HMOX1: variants seen among roughly 807,000 people sequenced by gnomAD.
HMOX1 encodes the protein heme oxygenase 1, also known as heat shock protein, 32-kD.
A neutral mutation model predicts 27.8 loss-of-function variants in HMOX1; 22 were observed. The observed-to-expected ratio is 0.79, with a 90% CI of 0.57 to 1.13. The LOEUF (loss-of-function observed/expected upper bound fraction) is 1.13, where lower values mean the gene tolerates loss of function less well. Among genes scored for constraint, HMOX1 ranks in the 50% most tolerant of loss-of-function variants. The pLI is 0.00. For missense variants in HMOX1, 379 were observed against 377.7 expected (o/e 1.00, Z -0.03); for synonymous variants, 153 against 151.6 (o/e 1.01, Z -0.07).
chr22:35,387,158 G>C lies in HMOX1; in HGVS notation c.618G>C (p.Ala206=). The C allele has an allele frequency of 5.0e-6, 8 of 1,613,496 alleles. No homozygotes were observed. Among genetic ancestry groups the C allele is most frequent in the African/African-American group, 2.7e-5 (2 of 75,046 alleles). The change falls in exon 3 of 5, where the codon GCG becomes GCC. Residue 206 remains alanine, a synonymous_variant. Coordinates refer to ENST00000216117, the MANE Select transcript of HMOX1 (RefSeq NM_002133.3). The part of the protein sequence containing the change: ...RQRVIEEAKT[A]FLLNIQLFEE... The stretch of plus-strand genomic sequence containing the variant: ...GGGTGATAGAAGAGGCCAAGACTGC[G>C]TTCCTGCTCAACATCCAGGTGAGGG...
Position 35,389,268 on chromosome 22 carries a change from CTCTCTCCTCT to C in HMOX1, c.637-595_637-586del, listed in dbSNP as rs1371889271. ...CTTTCTTTTCTCTCTCTCTCTCTCT[CTCTCTCCTCT>C]CTCTCTCTCTCTTCTTTCTTCTTTC... On this transcript the variant is annotated intron_variant, in intron 3 of 4. Coordinates refer to ENST00000216117, the MANE Select transcript of HMOX1 (RefSeq NM_002133.3). 4.1e-5 allele frequency among the ~76,000 whole-genome samples: 5 copies of C among 123,278 alleles called. 1 individual carries two copies. Among genetic ancestry groups the C allele is most frequent in the African/African-American group, 1.8e-4 (4 of 21,820 alleles). 80.9% of individuals were successfully genotyped at this position (123,278 alleles called of 152,430 possible). A position where few individuals can be genotyped will look rare whatever the true frequency, so the allele number is the denominator to read the frequency against.
At chr22:35,391,979 C>A (rs1854764793) in intron 4 of HMOX1, among the ~76,000 whole-genome samples, 1 of 151,660 alleles carries the variant, frequency 6.6e-6, no homozygotes, top group Admixed American at 6.6e-5. Context: ...AATCCCAGCA[C>A]TTTGGGAGGC....
At chr22:35,389,395 C>CCTTCCTTCCTTCCTTCCTTTCTTTCTTT (rs1555901604) in intron 3 of HMOX1, among the ~76,000 whole-genome samples, 1 of 51,808 alleles carries the variant, frequency 1.9e-5, no homozygotes, top group Non-Finnish European at 3.4e-5. Flanking sequence ...TTCCTTCCTT[C>CCTTCCTTCCTTCCTTCCTTTCTTTCTTT]CTTTCTTTCT....
intron 3 of HMOX1, among the ~76,000 whole-genome samples, 190 bp from the exon 4 acceptor site, chr22:35,389,674 C>T (rs1236165140): frequency 8.5e-6 from 1 of 117,986 alleles, no homozygotes; most frequent in Admixed American, 7.5e-5. Context: ...AAACTTCTGA[C>T]CCGTGATGTG....
At position 35,393,747 on chromosome 22, in the gene HMOX1, A is replaced by G. The variant is rs147862586; in HGVS notation, c.*149A>G. On this transcript the variant is annotated 3_prime_UTR_variant, in exon 5 of 5. Transcript: ENST00000216117. ...CTCTCACTGTGTCCCTCTCTCTGGA[A>G]AGGAGGAAGGAGCCTATGGCATCTT... 2,046 of 939,412 alleles carry G rather than the reference A, an allele frequency of 2.2e-3. 11 individuals are homozygous for G. Among genetic ancestry groups the G allele is most frequent in the Middle Eastern group, 0.013 (44 of 3,294 alleles). 58.2% of individuals were successfully genotyped at this position (939,412 alleles called of 1,614,324 possible).
chr22:35,381,537 T>A (rs2145763294), intron 1 of HMOX1, among the ~76,000 whole-genome samples: 1 of 152,188 alleles, frequency 6.6e-6, no homozygotes, highest in African/African-American at 2.4e-5. Context: ...TCTGGGGCTC[T>A]GCCAGCCTGG....
rs202162853 is a variant in HMOX1 at position 35,393,478 on chromosome 22, C to T, written c.747C>T (p.Pro249=). The change falls in exon 5 of 5, where the codon CCC becomes CCT. Residue 249 remains proline (P), a synonymous_variant. Transcript: ENST00000216117. ...RASNKVQDSA[P]VETPRGKPPL... ...CATTTTCTCTTTCAGATTCTGCCCC[C>T]GTGGAGACTCCCAGAGGGAAGCCCC... 121 of 1,614,080 alleles carry T rather than the reference C, an allele frequency of 7.5e-5. 1 individual carries two copies. The highest frequency in any genetic ancestry group is 6.5e-4 in the South Asian group (59 of 91,086).
chr22:35,389,449 T>TTTCTTTCTTTCTTTTC, intron 3 of HMOX1, among the ~76,000 whole-genome samples: 1 of 102,726 alleles, frequency 9.7e-6, no homozygotes, highest in Non-Finnish European at 1.7e-5. Context: ...TCTTTCTTTC[T>TTTCTTTCTTTCTTTTC]TTTCTTTCTT....
chr22:35,389,252 C>CTTTCTTTTTTCTTTCTTT (rs1569057162), intron 3 of HMOX1, among the ~76,000 whole-genome samples: 2 of 58,248 alleles, frequency 3.4e-5, no homozygotes, highest in African/African-American at 2.0e-4. Context: ...TCTTTCTTTT[C>CTTTCTTTTTTCTTTCTTT]TCTCTCTCTC....
intron 3 of HMOX1, among the ~76,000 whole-genome samples, chr22:35,387,818 G>A (rs1043481308): frequency 6.6e-6 from 1 of 152,224 alleles, no homozygotes; most frequent in Non-Finnish European, 1.5e-5. Context: ...TCGGGGTCAT[G>A]CCCTCCTGGC....
chr22:35,392,079 C>T (rs1249026403), intron 4 of HMOX1, among the ~76,000 whole-genome samples: 4 of 151,684 alleles, frequency 2.6e-5, no homozygotes, highest in African/African-American at 7.3e-5. Flanking sequence ...TAAAAATTAG[C>T]TGGGTGTGAT....
intron 3 of HMOX1, 116 bp downstream of exon 3, chr22:35,387,292 C>A: frequency 8.3e-7 from 1 of 1,201,836 alleles, no homozygotes; most frequent in Non-Finnish European, 1.2e-6. Flanking sequence ...AACCAGAGTT[C>A]CAGCACTGCC....
rs1931777707 is a variant in HMOX1, at chr22:35,393,504, C to G, written c.773C>G (p.Pro258Arg). ...GTGGAGACTCCCAGAGGGAAGCCCC[C>G]ACTCAACACCCGCTCCCAGGCTCCG... ...APVETPRGKP[P>R]LNTRSQAPLL... The change falls in exon 5 of 5, where the codon CCA becomes CGA. Residue 258 changes from proline to arginine, a missense_variant. Coordinates refer to ENST00000216117, the MANE Select transcript of HMOX1 (RefSeq NM_002133.3). The G allele has an allele frequency of 6.2e-7, 1 of 1,614,230 alleles. No individual in the cohort carries two copies. The highest frequency in any genetic ancestry group is 8.5e-7 in the Non-Finnish European group (1 of 1,180,036).
chr22:35,382,218 C>T (rs1257427844), intron 1 of HMOX1, among the ~76,000 whole-genome samples: 1 of 152,164 alleles, frequency 6.6e-6, no homozygotes, highest in African/African-American at 2.4e-5. Context: ...CTACCTGTAC[C>T]AGGATTTCCC....
At chr22:35,381,359 T>A in intron 1 of HMOX1, 163 bp downstream of exon 1, 4 of 790,846 alleles carry the variant, frequency 5.1e-6, no homozygotes, top group Non-Finnish European at 4.0e-6. Flanking sequence ...CCTGTGCCCG[T>A]AGGGTAGTTG....
intron 4 of HMOX1, among the ~76,000 whole-genome samples, chr22:35,391,586 CTTTTT>C (rs56153278): frequency 2.2e-5 from 2 of 89,000 alleles, no homozygotes; most frequent in African/African-American, 1.1e-4. Context: ...CGCGCCCGGC[CTTTTT>C]TTTTTTTTTT....
chr22:35,386,889 C>G lies in HMOX1; in HGVS notation c.349C>G (p.Arg117Gly). ...YTPAMQRYVK[R>G]LHEVGRTEPE... ...ACCAGCCATGCAGCGCTATGTGAAG[C>G]GGCTCCACGAGGTGGGGCGCACAGA... The change falls in exon 3 of 5, where the codon CGG (arginine) becomes GGG (glycine). Residue 117 changes from arginine to glycine, a missense_variant. Transcript: ENST00000216117. The G allele has an allele frequency of 6.2e-7, 1 of 1,614,056 alleles. No individual in the cohort carries two copies. Among genetic ancestry groups the G allele is most frequent in the African/African-American group, 1.3e-5 (1 of 75,062 alleles).
At position 35,381,287 on chromosome 22, in the gene HMOX1, G is replaced by A. The variant is rs138724100; in HGVS notation, c.23+91G>A. 9.4e-3 allele frequency: 13,590 copies of A among 1,443,724 alleles called. 81 individuals carry two copies. The highest frequency in any genetic ancestry group is 0.012 in the Non-Finnish European group (12,356 of 1,063,332). The allele number at this position is 1,443,724 out of a possible 1,614,324, so 89.4% of individuals were successfully genotyped here. A position where few individuals can be genotyped will look rare whatever the true frequency, so the allele number is the denominator to read the frequency against. ...CCACCCCGGGACACTGCCACACAGC[G>A]ACAGAGCCCAGGAGCCAGAAACTTG... On this transcript the variant is annotated intron_variant, in intron 1 of 4. Transcript: ENST00000216117.
chr22:35,388,791 C>T (rs1931573468), intron 3 of HMOX1, among the ~76,000 whole-genome samples: 1 of 146,942 alleles, frequency 6.8e-6, no homozygotes, highest in Non-Finnish European at 1.5e-5. Context: ...AGTGAGACTC[C>T]GTATTAAAAA....
Sources: allele counts gnomAD v4.1 joint callset (sites outside exome capture counted in the v4.1 genomes callset), GRCh38; gene constraint gnomAD v4.1.1; transcripts MANE v1.5; gene names NCBI Gene and HGNC (gene_info 2026-07-23, HGNC 2026-07-21).